The following CLK1 variants were observed in gnomAD, a reference collection of about 807,000 sequenced individuals.
The protein encoded by CLK1 is CDC like kinase 1.
In CLK1, 40 loss-of-function variants were observed where a neutral mutation model predicts 60.9. The observed-to-expected ratio is 0.66, with a 90% confidence interval of 0.51 to 0.86. The LOEUF (loss-of-function observed/expected upper bound fraction) is 0.86, where lower values mean the gene tolerates loss of function less well. Ranked by LOEUF, CLK1 falls within the 40% of genes least tolerant of loss-of-function variation. CLK1 has a pLI of 0.00. For synonymous variants in CLK1, 203 were observed against 184.4 expected (o/e 1.10, Z -0.82); for missense variants, 563 against 606.1 (o/e 0.93, Z 0.75).
chr2:200,864,473 G>A, intron 1 of CLK1, 91 bp downstream of exon 1: 1 of 490,070 alleles, frequency 2.0e-6, no homozygotes, highest in Non-Finnish European at 3.5e-6. Flanking sequence ...ACGGCGGGCA[G>A]CAAACAAGCA....
intron 10 of CLK1, 25 bp from the exon 11 acceptor site, chr2:200,854,720 T>A: frequency 6.7e-7 from 1 of 1,501,910 alleles, no homozygotes; most frequent in Non-Finnish European, 9.3e-7. Flanking sequence ...AAAACAGACT[T>A]GGGGAAGATG....
chr2:200,854,751 T>C (rs1238366397), intron 10 of CLK1, 56 bp from the exon 11 acceptor site: 13 of 1,261,112 alleles, frequency 1.0e-5, no homozygotes, highest in Non-Finnish European at 1.5e-5. Context: ...CAGACACAGT[T>C]AAAGCTGACA....
At chr2:200,853,490 T>C (rs775322406) in intron 12 of CLK1, 41 bp from the exon 13 acceptor site, 1 of 1,543,610 alleles carries the variant, frequency 6.5e-7, no homozygotes, top group East Asian at 2.2e-5. Context: ...CCTTTTCCAC[T>C]ACCATTGACT....
rs990104833 is a variant in CLK1 at position 200,857,604 on chromosome 2, T to A, written c.832+114A>T. ...TGTAATCAAATCTCTTCATACCTAT[T>A]CTTCCTCCCCCTTTATTTTTAATCA... is the stretch of plus-strand genomic sequence containing the variant. On this transcript the variant is annotated intron_variant, in intron 7 of 12. Transcript: ENST00000321356. 3.0e-5 allele frequency: 26 copies of A among 866,446 alleles called. 1 individual carries two copies. In the Admixed American group the frequency reaches 5.9e-4, roughly 20 times the overall value. The allele number at this position is 866,446 out of a possible 1,614,324, so 53.7% of individuals were successfully genotyped here.
Position 200,856,933 on chromosome 2 carries a change from T to C in CLK1, c.885A>G (p.Leu295=), listed in dbSNP as rs544412716. The C allele has an allele frequency of 6.2e-7, 1 of 1,614,140 alleles. No homozygotes were observed. The highest frequency in any genetic ancestry group is 1.3e-5 in the African/African-American group (1 of 75,050). Residue 295 remains leucine, a synonymous_variant, in exon 8 of 13, where the codon TTA becomes TTG. Transcript: ENST00000321356. ...THTDLKPENI[L]FVQSDYTEAY... is the part of the protein sequence containing the mutation. ...CCTCTGTGTAGTCAGACTGCACAAA[T>C]AAGATGTTTTCAGGCTTTAAGTCTG...
Position 200,861,265 on chromosome 2 carries a change from G to A in CLK1, c.363C>T (p.His121=). The change falls in exon 3 of 13, where the codon CAC becomes CAT. Residue 121 remains histidine (H), a synonymous_variant. Transcript: ENST00000321356. ...SSYKSKHRIH[H]STSHRRSHGK... is the part of the protein sequence containing the mutation. ...CATGTGAACGACGATGTGAAGTACT[G>A]TGGTGAATCCTGTGTTTGCTTTTAT... 1 of 1,614,124 alleles carries A rather than the reference G, an allele frequency of 6.2e-7. No individual in the cohort carries two copies.
intron 1 of CLK1, chr2:200,864,320 A>G (rs973316185): frequency 7.0e-7 from 1 of 1,431,874 alleles, no homozygotes; most frequent in Non-Finnish European, 9.1e-7. Flanking sequence ...CAGAAGCTCC[A>G]AGAGGGCGGC....
intron 1 of CLK1, among the ~76,000 whole-genome samples, chr2:200,862,176 T>C (rs550283898): frequency 6.6e-6 from 1 of 151,562 alleles, no homozygotes; most frequent in East Asian, 1.9e-4. Flanking sequence ...ACCCCTGCCC[T>C]CCCAGTAGTA....
intron 12 of CLK1, among the ~76,000 whole-genome samples, 167 bp from the exon 13 acceptor site, chr2:200,853,616 G>A (rs1395215084): frequency 6.7e-6 from 1 of 148,150 alleles, no homozygotes; most frequent in African/African-American, 2.5e-5. Flanking sequence ...CAAGGCAGGT[G>A]GATCACTTGA....
chr2:200,854,331 C>G (rs542904227), intron 11 of CLK1, among the ~76,000 whole-genome samples: 1 of 151,894 alleles, frequency 6.6e-6, no homozygotes, highest in East Asian at 1.9e-4. Flanking sequence ...GTCAGGAGAT[C>G]GAGACCATCC....
chr2:200,857,018 A>G (rs1559326844), intron 7 of CLK1, 33 bp from the exon 8 acceptor site: 1 of 1,563,126 alleles, frequency 6.4e-7, no homozygotes, highest in East Asian at 2.2e-5. Context: ...TGTAATCAGA[A>G]AACACCAAAC....
chr2:200,858,842 TA>T (rs10652214), intron 5 of CLK1, among the ~76,000 whole-genome samples: 2 of 147,274 alleles, frequency 1.4e-5, no homozygotes, highest in African/African-American at 2.5e-5. Context: ...AACAGGGAAC[TA>T]AAAAAAAAGA....
intron 9 of CLK1, among the ~76,000 whole-genome samples, chr2:200,855,846 C>CA (rs2039031447): frequency 6.6e-6 from 1 of 150,414 alleles, no homozygotes; most frequent in Non-Finnish European, 1.5e-5. Flanking sequence ...CCATCTCTAC[C>CA]AAAAATAAGA....
intron 11 of CLK1, among the ~76,000 whole-genome samples, chr2:200,854,376 A>C (rs1374790930): frequency 6.6e-6 from 1 of 152,044 alleles, no homozygotes; most frequent in Non-Finnish European, 1.5e-5. Context: ...TCTACTAAAA[A>C]TACAAAAAAA....
Position 200,853,431 on chromosome 2 carries a change from C to G in CLK1, c.1330G>C (p.Asp444His). The change falls in exon 13 of 13, where the codon GAT (aspartate) becomes CAT (histidine). Residue 444 changes from aspartate (D) to histidine (H), a missense_variant. Physicochemically the swap from Asp to His is moderately conservative, Grantham distance 81. Around this residue, in one of 3 missense-constraint regions of CLK1, gnomAD observed 360 missense variants for 407.0 expected, o/e 0.88. Coordinates refer to ENST00000321356, the MANE Select transcript of CLK1 (RefSeq NM_004071.4). ...KPLKEFMLSQ[D>H]VEHERLFDLI... Reference sequence around the variant, plus strand: ...TCAAAGAGACGCTCATGTTCAACATCTTGAGAAAGCATAAATTCCTGGAAG... The same window carrying G: ...TCAAAGAGACGCTCATGTTCAACATGTTGAGAAAGCATAAATTCCTGGAAG... 6.2e-7 allele frequency: 1 copy of G among 1,601,054 alleles called. No homozygotes were observed. Among genetic ancestry groups the G allele is most frequent in the Middle Eastern group, 1.7e-4 (1 of 5,998 alleles).
chr2:200,860,866 A>G (rs1286264476), intron 3 of CLK1: 21 of 1,060,112 alleles, frequency 2.0e-5, no homozygotes, highest in Non-Finnish European at 2.4e-5. Flanking sequence ...CCTAAATTAT[A>G]CAAAAATAAA....
At position 200,854,657 on chromosome 2, in the gene CLK1, C is replaced by T. The variant is rs1231629169; in HGVS notation, c.1179G>A (p.Arg393=). The T allele has an allele frequency of 1.2e-6, 2 of 1,610,184 alleles. No homozygotes were observed. The highest frequency in any genetic ancestry group is 2.2e-5 in the East Asian group (1 of 44,836). The change falls in exon 11 of 13, where the codon AGG becomes AGA. Residue 393 remains arginine (R), a synonymous_variant. Coordinates refer to ENST00000321356, the MANE Select transcript of CLK1 (RefSeq NM_004071.4). ...DSKEHLAMME[R]ILGPLPKHMI... ...TATGTTTTGGTAGAGGTCCAAGAAT[C>T]CTTTCCATCATTGCTAAATGCTCCT...
At chr2:200,860,506 A>T (rs77279894) in intron 3 of CLK1, 1 of 1,096,070 alleles carries the variant, frequency 9.1e-7, no homozygotes, top group Non-Finnish European at 1.1e-6. Flanking sequence ...AAAAAAAAAA[A>T]TGCTTAGTTG....
At chr2:200,854,968 T>G in intron 10 of CLK1, 36 bp downstream of exon 10, 1 of 1,522,666 alleles carries the variant, frequency 6.6e-7, no homozygotes, top group Non-Finnish European at 9.0e-7. Flanking sequence ...ACCTTTCTTG[T>G]GCAAAGCAAG....
Sources: allele counts gnomAD v4.1 joint callset (sites outside exome capture counted in the v4.1 genomes callset), GRCh38; gene constraint gnomAD v4.1.1; regional missense constraint gnomAD v4.1.1; transcripts MANE v1.5; gene names NCBI Gene and HGNC (gene_info 2026-07-23, HGNC 2026-07-21).